The following MAGEC3 variants were observed in gnomAD, a reference collection of about 807,000 sequenced individuals.
The protein encoded by MAGEC3 is MAGE family member C3, also known as melanoma-associated antigen C3.
Under a neutral mutation model 35.3 loss-of-function variants are expected in MAGEC3, and 34 were observed. The observed-to-expected ratio is 0.96, with a 90% CI of 0.73 to 1.28. The LOEUF (loss-of-function observed/expected upper bound fraction) is 1.28, where lower values mean the gene tolerates loss of function less well. Among genes scored for constraint, MAGEC3 ranks in the 50% most tolerant of loss-of-function variants. MAGEC3 has a pLI of 0.00. For missense variants in MAGEC3, 561 were observed against 483.6 expected, an observed-to-expected ratio of 1.16 and a Z score of -1.50; for synonymous variants, 202 against 185.6, an observed-to-expected ratio of 1.09 and a Z score of -0.72.
chrX:141,850,561 A>G (rs889309733), intron 1 of MAGEC3, among the ~76,000 whole-genome samples: 2 of 110,832 alleles, frequency 1.8e-5, no homozygotes, highest in African/African-American at 3.3e-5. Context: ...CCATGGTTCA[A>G]CAATACCCCC....
chrX:141,850,682 T>C (rs1181317601), intron 1 of MAGEC3, among the ~76,000 whole-genome samples: 1 of 111,710 alleles, frequency 9.0e-6, no homozygotes, highest in Admixed American at 9.5e-5. Flanking sequence ...ACCAAACATC[T>C]GGGCAGTATG....
intron 2 of MAGEC3, among the ~76,000 whole-genome samples, chrX:141,870,575 T>C (rs2017881623): frequency 8.9e-6 from 1 of 112,176 alleles, no homozygotes; most frequent in Non-Finnish European, 1.9e-5. Context: ...TTTAAGACTT[T>C]TTTATTCTTA....
intron 1 of MAGEC3, among the ~76,000 whole-genome samples, chrX:141,858,261 G>C (rs1032378961): frequency 6.3e-5 from 7 of 110,800 alleles, no homozygotes; most frequent in Non-Finnish European, 1.3e-4. Flanking sequence ...CAACTCAGAT[G>C]GATTATCTGA....
chrX:141,894,816 T>G (rs1602633066), intron 4 of MAGEC3: 2 of 899,812 alleles, frequency 2.2e-6, no homozygotes, highest in African/African-American at 2.6e-5. Context: ...AACGGAGAGG[T>G]GGGCAGGGAG....
At chrX:141,880,193 G>C (rs1475942470) in intron 3 of MAGEC3, among the ~76,000 whole-genome samples, 2 of 111,627 alleles carry the variant, frequency 1.8e-5, no homozygotes, top group Non-Finnish European at 3.8e-5. Context: ...TGAGGACTGA[G>C]GAGTCACATG....
At chrX:141,893,691 G>C (rs752216973) in intron 4 of MAGEC3, among the ~76,000 whole-genome samples, 23 of 92,454 alleles carry the variant, frequency 2.5e-4, no homozygotes, top group African/African-American at 9.4e-4. Flanking sequence ...TGCGTGCATA[G>C]GGCAGGGCAG....
At chrX:141,894,383 A>G (rs2018067515) in intron 4 of MAGEC3, among the ~76,000 whole-genome samples, 1 of 112,555 alleles carries the variant, frequency 8.9e-6, no homozygotes, top group African/African-American at 3.2e-5. Flanking sequence ...AAGATCACGC[A>G]CAGGCTGCTG....
chrX:141,869,979 T>TGTTTGATTTGTGACAGATTAGACA (rs2017877301), intron 2 of MAGEC3, among the ~76,000 whole-genome samples: 3 of 111,274 alleles, frequency 2.7e-5, no homozygotes, highest in African/African-American at 9.9e-5. Context: ...TTCCAGATGC[T>TGTTTGATTTGTGACAGATTAGACA]TCAGGGGCCC....
chrX:141,839,805 A>G (rs952579572), intron 1 of MAGEC3: 35 of 580,881 alleles, frequency 6.0e-5, no homozygotes, highest in Middle Eastern at 1.0e-3. Flanking sequence ...ATACTTGCCA[A>G]TATCTAGAAA....
chrX:141,840,056 T>C, intron 1 of MAGEC3: 39 of 735,979 alleles, frequency 5.3e-5, no homozygotes, highest in Non-Finnish European at 6.3e-5. Context: ...GGTCAGAATG[T>C]GCACAATGGA....
At chrX:141,892,487 A>T (rs1026807794) in intron 4 of MAGEC3, among the ~76,000 whole-genome samples, 1 of 111,212 alleles carries the variant, frequency 9.0e-6, no homozygotes, top group African/African-American at 3.3e-5. Context: ...CAGTATGAAT[A>T]TTTTCTATTT....
chrX:141,847,022 A>G (rs1016587883), intron 1 of MAGEC3, among the ~76,000 whole-genome samples: 3 of 111,343 alleles, frequency 2.7e-5, no homozygotes, highest in African/African-American at 9.7e-5. Context: ...ATTATTTACT[A>G]TACACTAAAT....
At chrX:141,880,786 G>A (rs758571928) in intron 3 of MAGEC3, 12 of 991,807 alleles carry the variant, frequency 1.2e-5, no homozygotes, top group South Asian at 6.1e-5. Context: ...CCCTAGGATG[G>A]CAGGTGACCC....
chrX:141,862,871 A>ATGT (rs1005176555), intron 1 of MAGEC3, among the ~76,000 whole-genome samples: 2 of 111,609 alleles, frequency 1.8e-5, no homozygotes, highest in Admixed American at 1.9e-4. Flanking sequence ...ATAGTTTCTA[A>ATGT]TGTTGACTGC....
At chrX:141,849,457 A>G (rs1461260067) in intron 1 of MAGEC3, among the ~76,000 whole-genome samples, 1 of 110,017 alleles carries the variant, frequency 9.1e-6, no homozygotes, top group East Asian at 2.8e-4. Context: ...AAAGAGCCAA[A>G]CAGAGTAAAC....
intron 1 of MAGEC3, chrX:141,839,472 AT>A (rs2017673478): frequency 1.3e-6 from 1 of 751,858 alleles, no homozygotes; most frequent in South Asian, 6.8e-5. Flanking sequence ...CTGCTGTCAT[AT>A]TTGATTATAT....
chrX:141,879,189 A>C lies in MAGEC3; in HGVS notation c.273A>C (p.Leu91=), dbSNP rs759693263. 2.5e-6 allele frequency: 3 copies of C among 1,189,511 alleles called. No individual in the cohort carries two copies. Among genetic ancestry groups the C allele is most frequent in the East Asian group, 6.0e-5 (2 of 33,402 alleles). ...CCTGCTGCCAGCTCTGGAGGACCCTATCAGGGTCCCCAGGTTTACAACTTT... is the reference window on the plus strand; with the variant it reads ...CCTGCTGCCAGCTCTGGAGGACCCTCTCAGGGTCCCCAGGTTTACAACTTT... The part of the protein sequence containing the change: ...CPTYFKLWRT[L]SGSPGLQLSD... The change falls in exon 3 of 8, where the codon CTA becomes CTC. Residue 91 remains leucine, a synonymous_variant. Transcript: ENST00000298296.
intron 2 of MAGEC3, among the ~76,000 whole-genome samples, chrX:141,874,419 C>T (rs933300194): frequency 1.4e-4 from 15 of 110,885 alleles, no homozygotes; most frequent in African/African-American, 3.3e-4. Context: ...AAAGGAAAAA[C>T]GAGAAACGAG....
intron 4 of MAGEC3, among the ~76,000 whole-genome samples, chrX:141,884,121 A>G (rs1183788471): frequency 8.8e-6 from 1 of 113,021 alleles, no homozygotes; most frequent in East Asian, 2.8e-4. Context: ...GGATTGAAGG[A>G]TGCAAGTATT....
Sources: gnomAD v4.1 joint callset for allele counts (sites outside exome capture counted in the v4.1 genomes callset) on GRCh38, gnomAD v4.1.1 for gene constraint, MANE v1.5 for transcripts, NCBI Gene and HGNC (gene_info 2026-07-23, HGNC 2026-07-21) for gene names.